RPH3AL: variants seen among roughly 807,000 people sequenced by gnomAD.
RPH3AL encodes the protein rab effector Noc2.
RPH3AL carries 38 observed loss-of-function variants against 43.1 expected under a neutral mutation model. That is an observed-to-expected ratio of 0.88 (90% CI 0.68 to 1.15). The LOEUF is 1.15. Ranked by LOEUF, RPH3AL falls within the 50% of genes most tolerant of loss-of-function variation. RPH3AL has a pLI of 0.00. For synonymous variants in RPH3AL, 189 were observed against 176.3 expected (o/e 1.07, Z -0.57); for missense variants, 462 against 423.2 (o/e 1.09, Z -0.81).
chr17:221,688 C>T (rs62059574), intron 7 of RPH3AL, among the ~76,000 whole-genome samples: 6 of 118,250 alleles, frequency 5.1e-5, no homozygotes, highest in Admixed American at 8.3e-5. Context: ...GAGGGCTCCA[C>T]TCACTGAGAC....
chr17:214,199 A>G (rs2040737616), intron 9 of RPH3AL, among the ~76,000 whole-genome samples: 1 of 152,216 alleles, frequency 6.6e-6, no homozygotes, highest in African/African-American at 2.4e-5. Context: ...GCAAATGGGC[A>G]CGGAAAGAGA....
At chr17:236,320 C>G (rs923217753) in intron 7 of RPH3AL, among the ~76,000 whole-genome samples, 1 of 152,172 alleles carries the variant, frequency 6.6e-6, no homozygotes, top group Non-Finnish European at 1.5e-5. Context: ...TCGAGGAAAC[C>G]TAAATGTCCC....
intron 6 of RPH3AL, among the ~76,000 whole-genome samples, chr17:260,705 A>G (rs375743718): frequency 2.6e-5 from 4 of 152,076 alleles, no homozygotes; most frequent in African/African-American, 9.7e-5. Flanking sequence ...ATTACCTGAC[A>G]CACACTCACA....
chr17:245,882 G>C lies in RPH3AL; in HGVS notation c.613+1229C>G, dbSNP rs1555539744. Among the ~76,000 whole-genome samples the C allele has an allele frequency of 2.6e-5, 4 of 152,152 alleles. No homozygotes were observed. Among genetic ancestry groups the C allele is most frequent in the Non-Finnish European group, 5.9e-5 (4 of 68,024 alleles). On this transcript the variant is annotated intron_variant, in intron 7 of 9. Transcript: ENST00000331302. This position sits in a 1 kb window ranked among gnomAD's most constrained non-coding sequence, Gnocchi z 5.9. ...CATCCCACGGTCCCCACCAATGTCTGTCCGTGGCAGCGATGTCGGGGGTGA... is the reference window on the plus strand; with the variant it reads ...CATCCCACGGTCCCCACCAATGTCTCTCCGTGGCAGCGATGTCGGGGGTGA...
At position 317,767 on chromosome 17, in the gene RPH3AL, G is replaced by A. The variant is rs1260136319; in HGVS notation, c.351+1653C>T. On this transcript the variant is annotated intron_variant, in intron 5 of 9. Coordinates refer to ENST00000331302, the MANE Select transcript of RPH3AL (RefSeq NM_006987.4). ...ACTAATTGGGCAGGTTAACTTCACT[G>A]TACCTTTGGTTTTCTCATCCAGCTT... Among the ~76,000 whole-genome samples, 3 of 152,192 alleles carry A rather than the reference G, an allele frequency of 2.0e-5. No homozygotes were observed. In the South Asian group the frequency reaches 6.2e-4, roughly 32 times the overall value.
At chr17:313,026 A>G (rs529477944) in intron 5 of RPH3AL, among the ~76,000 whole-genome samples, 27 of 152,334 alleles carry the variant, frequency 1.8e-4, no homozygotes, top group Middle Eastern at 6.8e-3. Context: ...CAAGTCCAGG[A>G]GAACCGGCTG....
At chr17:214,981 G>C (rs775432727) in intron 9 of RPH3AL, among the ~76,000 whole-genome samples, 6 of 152,140 alleles carry the variant, frequency 3.9e-5, no homozygotes, top group Non-Finnish European at 8.8e-5. Flanking sequence ...GGGAGCCATC[G>C]AGTGGGGAAG....
intron 7 of RPH3AL, among the ~76,000 whole-genome samples, chr17:239,568 G>T (rs2041479478): frequency 5.9e-5 from 9 of 152,064 alleles, no homozygotes; most frequent in Admixed American, 5.9e-4. Flanking sequence ...TAACTTTATA[G>T]TAAGCTTTAA....
At chr17:317,338 G>A (rs1390831569) in intron 5 of RPH3AL, among the ~76,000 whole-genome samples, 1 of 146,066 alleles carries the variant, frequency 6.8e-6, no homozygotes, top group African/African-American at 2.6e-5. Context: ...CACCTCCATT[G>A]ACCTGAAGTC....
At chr17:318,180 C>T (rs2044353426) in intron 5 of RPH3AL, among the ~76,000 whole-genome samples, 1 of 152,024 alleles carries the variant, frequency 6.6e-6, no homozygotes, top group Non-Finnish European at 1.5e-5. Context: ...GTCAGGAGTT[C>T]AAGACCAGCC....
chr17:334,541 G>A (rs1284354857), intron 1 of RPH3AL, among the ~76,000 whole-genome samples: 1 of 145,634 alleles, frequency 6.9e-6, no homozygotes, highest in South Asian at 2.3e-4. Context: ...ACCCAGTGCA[G>A]CTCCTTCTCC....
chr17:216,994 T>C (rs550552366), intron 8 of RPH3AL, among the ~76,000 whole-genome samples: 117 of 152,094 alleles, frequency 7.7e-4, no homozygotes, highest in African/African-American at 2.7e-3. Context: ...GGGCAGTTAT[T>C]ACAGAGCCCT....
At chr17:291,585 C>G (rs2043049812) in intron 5 of RPH3AL, among the ~76,000 whole-genome samples, 1 of 152,092 alleles carries the variant, frequency 6.6e-6, no homozygotes, top group Non-Finnish European at 1.5e-5. Context: ...GGTGCATGCA[C>G]AAAGCAGCAT....
intron 1 of RPH3AL, among the ~76,000 whole-genome samples, chr17:336,500 C>T (rs1020163752): frequency 4.6e-5 from 7 of 152,084 alleles, no homozygotes; most frequent in African/African-American, 1.2e-4. Flanking sequence ...CTGCTCGGGG[C>T]GGCTCCCCCT....
rs570627990 is a variant in RPH3AL at position 245,288 on chromosome 17, G to GGT, written c.613+1821_613+1822dup. 4.5e-5 allele frequency among the ~76,000 whole-genome samples: 6 copies of GGT among 132,720 alleles called. No individual in the cohort carries two copies. The highest frequency in any genetic ancestry group is 8.2e-5 in the Non-Finnish European group (5 of 60,938). The allele number at this position is 132,720 out of a possible 152,430, so 87.1% of individuals were successfully genotyped here. On this transcript the variant is annotated intron_variant, in intron 7 of 9. Coordinates refer to ENST00000331302, the MANE Select transcript of RPH3AL (RefSeq NM_006987.4). The surrounding 1 kb of genome is among the most constrained non-coding windows in gnomAD (Gnocchi z 5.9). Reference sequence around the variant, plus strand: ...GTGGATGTCAGTGTGTGTGTACGTGGGTGTGTGTGTGGATGTGTGTGTGGA... The same window carrying GGT: ...GTGGATGTCAGTGTGTGTGTACGTGGGTGTGTGTGTGTGGATGTGTGTGTGGA...
intron 6 of RPH3AL, among the ~76,000 whole-genome samples, chr17:268,197 G>A (rs917110831): frequency 4.6e-5 from 7 of 152,180 alleles, no homozygotes; most frequent in East Asian, 1.9e-4. Flanking sequence ...TTGTGACAAC[G>A]AAAGCAACCC....
chr17:321,591 T>C (rs1290469641), intron 3 of RPH3AL, 176 bp from the exon 4 acceptor site: 7 of 539,730 alleles, frequency 1.3e-5, no homozygotes, highest in Non-Finnish European at 2.1e-5. Context: ...ATGGCCCAGG[T>C]GGCAACAGAG....
intron 1 of RPH3AL, among the ~76,000 whole-genome samples, chr17:351,991 T>C (rs2045362647): frequency 6.6e-6 from 1 of 152,132 alleles, no homozygotes; most frequent in South Asian, 2.1e-4. Flanking sequence ...TCCTGACAAC[T>C]TCAACTGCTC....
In RPH3AL at chr17:246,237, TCC is replaced by T; in HGVS notation, c.613+872_613+873del. Among the ~76,000 whole-genome samples the T allele has an allele frequency of 6.6e-6, 1 of 152,096 alleles. No homozygotes were observed. The highest frequency in any genetic ancestry group is 2.1e-4 in the South Asian group (1 of 4,814). The stretch of plus-strand genomic sequence containing the variant: ...CGGCCGCCAGGTCTATTGTGATGGG[TCC>T]ACTTCCTCCAAGACGAGCCATGATC... On this transcript the variant is annotated intron_variant, in intron 7 of 9. Transcript: ENST00000331302. The surrounding 1 kb of genome is among the most constrained non-coding windows in gnomAD (Gnocchi z 4.8).
Sources: gnomAD v4.1 joint callset for allele counts (sites outside exome capture counted in the v4.1 genomes callset) on GRCh38, gnomAD v4.1.1 for gene constraint, Gnocchi (gnomAD v3.1) non-coding constraint, MANE v1.5 for transcripts, NCBI Gene and HGNC (gene_info 2026-07-23, HGNC 2026-07-21) for gene names.